Variants in POLR3F observed in about 807,000 individuals in gnomAD.
POLR3F encodes DNA-directed RNA polymerase III subunit RPC6.
POLR3F carries 31 observed loss-of-function variants against 43.6 expected under a neutral mutation model. The ratio of observed to expected loss-of-function variants is 0.71; its 90% confidence interval spans 0.53 to 0.96. The LOEUF (loss-of-function observed/expected upper bound fraction) is 0.96. Among genes scored for constraint, POLR3F ranks in the 40% least tolerant of loss-of-function variants. The pLI is 0.00. For missense variants in POLR3F, 316 were observed against 391.7 expected, an observed-to-expected ratio of 0.81 and a Z score of 1.63; for synonymous variants, 114 against 132.5, an observed-to-expected ratio of 0.86 and a Z score of 0.96.
chr20:18,478,264 G>A (rs141427125), intron 5 of POLR3F, among the ~76,000 whole-genome samples: 2,529 of 150,388 alleles, frequency 0.017, 37 homozygotes, highest in Non-Finnish European at 0.025. Flanking sequence ...CACCCAGACT[G>A]GAGTGCAGTG....
At chr20:18,475,040 C>A in intron 4 of POLR3F, 35 bp from the exon 5 acceptor site, 1 of 855,276 alleles carries the variant, frequency 1.2e-6, no homozygotes, top group Non-Finnish European at 1.9e-6. Flanking sequence ...CCATGAAAAC[C>A]AGAGTTCAAC....
At chr20:18,481,584 C>A (rs2059809878) in intron 7 of POLR3F, 35 bp from the exon 8 acceptor site, 7 of 1,410,188 alleles carry the variant, frequency 5.0e-6, no homozygotes, top group Admixed American at 1.7e-5. Context: ...TCTCCCTATC[C>A]TACTTGTGTC....
chr20:18,476,518 T>C (rs1443455366), intron 5 of POLR3F, among the ~76,000 whole-genome samples: 2 of 152,212 alleles, frequency 1.3e-5, no homozygotes, highest in African/African-American at 4.8e-5. Flanking sequence ...CTTTTAAGGG[T>C]TAAAATAATC....
intron 8 of POLR3F, among the ~76,000 whole-genome samples, chr20:18,482,701 A>T (rs1281375178): frequency 6.6e-6 from 1 of 152,166 alleles, no homozygotes; most frequent in African/African-American, 2.4e-5. Flanking sequence ...AGCAAGAGAC[A>T]CTGTCCCAGT....
At chr20:18,471,053 G>T (rs2059747123) in intron 2 of POLR3F, among the ~76,000 whole-genome samples, 1 of 152,050 alleles carries the variant, frequency 6.6e-6, no homozygotes, top group Non-Finnish European at 1.5e-5. Flanking sequence ...CCCCTGATCT[G>T]TCTTAAATGC....
At chr20:18,469,404 TCAGACC>T in intron 2 of POLR3F, 2 of 202,790 alleles carry the variant, frequency 9.9e-6, no homozygotes, top group Non-Finnish European at 2.1e-5. Flanking sequence ...CTCCTGGTTC[TCAGACC>T]TTCAGACTTG....
rs1133724 is a variant in POLR3F, at chr20:18,484,360, C to G, written c.*802C>G. 0.71 allele frequency: 270,302 copies of G among 381,604 alleles called. 99,464 individuals are homozygous for G. Among genetic ancestry groups the G allele is most frequent in the Non-Finnish European group, 0.79 (171,611 of 215,966 alleles). The allele number at this position is 381,604 out of a possible 1,614,324, so 23.6% of individuals were successfully genotyped here. A position where few individuals can be genotyped will look rare whatever the true frequency, so the allele number is the denominator to read the frequency against. Reference sequence around the variant, plus strand: ...AGTAGACTGAATGTTTGTGTGCCCCCAGAATTCTAATGTTGAAATCTCATT... The same window carrying G: ...AGTAGACTGAATGTTTGTGTGCCCCGAGAATTCTAATGTTGAAATCTCATT... On this transcript the variant is annotated 3_prime_UTR_variant, in exon 9 of 9. Transcript: ENST00000377603.
intron 4 of POLR3F, among the ~76,000 whole-genome samples, chr20:18,474,076 A>G (rs984067699): frequency 9.2e-5 from 14 of 152,008 alleles, no homozygotes; most frequent in African/African-American, 3.1e-4. Flanking sequence ...TAAAATTAAC[A>G]TTTTTAAAAA....
In POLR3F at chr20:18,480,817, C is replaced by A. The variant is rs74903935; in HGVS notation, c.681+308C>A. 3.6e-3 allele frequency among the ~76,000 whole-genome samples: 551 copies of A among 151,936 alleles called. 3 individuals carry two copies. The highest frequency in any genetic ancestry group is 0.012 in the African/African-American group (517 of 41,440). ...ACTCAAGTGATCCTCCTGCGTTGGC[C>A]TCCCAAAGTGCCACTGTACCCTAGC... On this transcript the variant is annotated intron_variant, in intron 7 of 8. Transcript: ENST00000377603.
rs1430747034 is a variant in POLR3F at position 18,472,852 on chromosome 20, A to C, written c.191A>C (p.Asp64Ala). ...INRLLSMGQL[D>A]LLRSNTGLLY... ...TGTCTTAAAAACTAGGGTCAGTTGG[A>C]TCTCTTAAGGAGCAATACGGGCCTT... is the stretch of plus-strand genomic sequence containing the variant. Residue 64 changes from aspartate to alanine, a missense_variant, in exon 3 of 9, where the codon GAT becomes GCT. Physicochemically the swap from Asp to Ala is moderately radical, Grantham distance 126. Transcript: ENST00000377603. 1 of 1,448,182 alleles carries C rather than the reference A, an allele frequency of 6.9e-7. No homozygotes were observed. Among genetic ancestry groups the C allele is most frequent in the African/African-American group, 1.4e-5 (1 of 70,502 alleles). The allele number at this position is 1,448,182 out of a possible 1,614,324, so 89.7% of individuals were successfully genotyped here. A position where few individuals can be genotyped will look rare whatever the true frequency, so the allele number is the denominator to read the frequency against.
intron 8 of POLR3F, among the ~76,000 whole-genome samples, chr20:18,482,551 C>T (rs894169765): frequency 6.6e-6 from 1 of 152,124 alleles, no homozygotes; most frequent in Non-Finnish European, 1.5e-5. Context: ...GACATAGGGG[C>T]ATACAGCTTA....
At position 18,480,532 on chromosome 20, in the gene POLR3F, T is replaced by C. The variant is rs769068139; in HGVS notation, c.681+23T>C. 9 of 1,337,348 alleles carry C rather than the reference T, an allele frequency of 6.7e-6. No individual in the cohort carries two copies. The East Asian group carries it at 2.1e-4, about 31-fold the overall frequency. 82.8% of individuals were successfully genotyped at this position (1,337,348 alleles called of 1,614,324 possible). On this transcript the variant is annotated intron_variant, in intron 7 of 8. Transcript: ENST00000377603. Reference sequence around the variant, plus strand: ...AAGGTCAGAACTGAATTTCATCTTATTTTTTAAAACTTATTCTTTGTCACA... The same window carrying C: ...AAGGTCAGAACTGAATTTCATCTTACTTTTTAAAACTTATTCTTTGTCACA...
At chr20:18,470,476 A>G (rs2059743779) in intron 2 of POLR3F, 1 of 154,830 alleles carries the variant, frequency 6.5e-6, no homozygotes, top group African/African-American at 2.4e-5. Flanking sequence ...GGCTACAGCC[A>G]TGTTCCAACA....
chr20:18,479,292 G>A (rs767607419), intron 5 of POLR3F, among the ~76,000 whole-genome samples: 3 of 151,852 alleles, frequency 2.0e-5, no homozygotes, highest in South Asian at 2.1e-4. Flanking sequence ...TCAAGAGATC[G>A]AGACCATCCT....
chr20:18,484,440 G>A lies in POLR3F; in HGVS notation c.*882G>A, dbSNP rs150916085. ...TTTTGGTAAGTGATAGGTCAGGAGA[G>A]TAACAGCGCTCATGAATGGGATTAG... On this transcript the variant is annotated 3_prime_UTR_variant, in exon 9 of 9. Transcript: ENST00000377603. 1.5e-3 allele frequency: 408 copies of A among 278,514 alleles called. 1 individual carries two copies. The highest frequency in any genetic ancestry group is 8.3e-3 in the African/African-American group (381 of 46,060). 17.3% of individuals were successfully genotyped at this position (278,514 alleles called of 1,614,324 possible). A position where few individuals can be genotyped will look rare whatever the true frequency, so the allele number is the denominator to read the frequency against.
rs764433900 is a variant in POLR3F at position 18,472,910 on chromosome 20, G to T, written c.248+1G>T. On this transcript the variant is annotated splice_donor_variant, in intron 3 of 8. Transcript: ENST00000377603. LOFTEE classifies it high-confidence loss of function. ...GAATAAAGGACTCTCAGAATGCTGGGTAAGTACTTGTTTTTTTAATTTTAA... is the reference window on the plus strand; with the variant it reads ...GAATAAAGGACTCTCAGAATGCTGGTTAAGTACTTGTTTTTTTAATTTTAA... The T allele has an allele frequency of 1.5e-6, 2 of 1,345,782 alleles. No individual in the cohort carries two copies. The highest frequency in any genetic ancestry group is 2.1e-6 in the Non-Finnish European group (2 of 955,172). The allele number at this position is 1,345,782 out of a possible 1,614,324, so 83.4% of individuals were successfully genotyped here.
In POLR3F at chr20:18,480,469, A is replaced by G; in HGVS notation, c.641A>G (p.His214Arg). The change falls in exon 7 of 9, where the codon CAT (histidine) becomes CGT (arginine). Residue 214 changes from histidine (H) to arginine (R), a missense_variant. Transcript: ENST00000377603. Reference sequence around the variant, plus strand: ...AGAAATAGTTCATTTGCCTCATCACATGAAGTGTGGAAATATATCTGCGAA... The same window carrying G: ...AGAAATAGTTCATTTGCCTCATCACGTGAAGTGTGGAAATATATCTGCGAA... ...IQRNSSFASS[H>R]EVWKYICELG... 1.2e-6 allele frequency: 2 copies of G among 1,610,758 alleles called. No individual in the cohort carries two copies. The highest frequency in any genetic ancestry group is 1.7e-6 in the Non-Finnish European group (2 of 1,176,940).
rs571620928 is a variant in POLR3F at position 18,481,809 on chromosome 20, C to G, written c.872C>G (p.Pro291Arg). The part of the protein sequence containing the change: ...GLVRAPCGLC[P>R]VFDDCHEGGE... Reference sequence around the variant, plus strand: ...GTCCGGGCACCCTGTGGACTCTGCCCGGTGAGTTAAAGTGGCTTCACTTTA... The same window carrying G: ...GTCCGGGCACCCTGTGGACTCTGCCGGGTGAGTTAAAGTGGCTTCACTTTA... The change falls in exon 8 of 9, where the codon CCG (proline) becomes CGG (arginine). Residue 291 changes from proline to arginine, a missense_variant and splice_region_variant. This residue lies in a region of POLR3F where 85 missense variants were observed against 80.2 expected (regional missense o/e 1.06). Transcript: ENST00000377603. 2 of 1,605,478 alleles carry G rather than the reference C, an allele frequency of 1.2e-6. No homozygotes were observed. Among genetic ancestry groups the G allele is most frequent in the South Asian group, 1.1e-5 (1 of 90,644 alleles).
intron 5 of POLR3F, among the ~76,000 whole-genome samples, chr20:18,479,023 T>C (rs952283497): frequency 2.0e-5 from 3 of 151,990 alleles, no homozygotes; most frequent in African/African-American, 7.3e-5. Context: ...CGGGCGCCTG[T>C]AATCCCAGCT....
Sources: gnomAD v4.1 joint callset for allele counts (sites outside exome capture counted in the v4.1 genomes callset) on GRCh38, gnomAD v4.1.1 for gene constraint, gnomAD v4.1.1 regional missense constraint, MANE v1.5 for transcripts, NCBI Gene and HGNC (gene_info 2026-07-23, HGNC 2026-07-21) for gene names.